The following XK variants were observed in gnomAD, a reference collection of about 807,000 sequenced individuals.
XK encodes X-linked Kx blood group antigen, Kell and VPS13A binding protein, also known as endoplasmic reticulum membrane adapter protein XK.
In XK, 2 loss-of-function variants were observed where a neutral mutation model predicts 14.0. The observed-to-expected ratio is 0.14, with a 90% CI of 0.06 to 0.45. The LOEUF (loss-of-function observed/expected upper bound fraction) is 0.45. Ranked by LOEUF, XK falls within the 20% of genes least tolerant of loss-of-function variation. The pLI is 0.98. For missense variants in XK, 235 were observed against 341.5 expected, an observed-to-expected ratio of 0.69 and a Z score of 2.46; for synonymous variants, 149 against 147.5, an observed-to-expected ratio of 1.01 and a Z score of -0.08.
chrX:37,710,828 G>A (rs1297326112), intron 2 of XK, among the ~76,000 whole-genome samples: 1 of 111,856 alleles, frequency 8.9e-6, no homozygotes, highest in Admixed American at 9.4e-5. Context: ...ATATCCTGGA[G>A]TTGAAAAATA....
chrX:37,730,692 A>G lies in XK; in HGVS notation c.*2230A>G, dbSNP rs1928069661. ...AGTAGCCACCAGCCTCCCACTGACT[A>G]GGCATGTTAGGAATTAGACAAGGAT... On this transcript the variant is annotated 3_prime_UTR_variant, in exon 3 of 3. Coordinates refer to ENST00000378616, the MANE Select transcript of XK (RefSeq NM_021083.4). 8.9e-6 allele frequency: 1 copy of G among 112,566 alleles called. No homozygotes were observed. Among genetic ancestry groups the G allele is most frequent in the African/African-American group, 3.2e-5 (1 of 30,997 alleles). The allele number at this position is 112,566 out of a possible 1,213,427, so 9.3% of individuals were successfully genotyped here.
chrX:37,720,173 T>G (rs1442126053), intron 2 of XK, among the ~76,000 whole-genome samples: 1 of 111,342 alleles, frequency 9.0e-6, no homozygotes, highest in Non-Finnish European at 1.9e-5. Flanking sequence ...GTATTCATAT[T>G]ATTTGTTTCT....
chrX:37,697,971 G>A (rs782231430), intron 2 of XK, among the ~76,000 whole-genome samples: 9 of 112,043 alleles, frequency 8.0e-5, no homozygotes, highest in Non-Finnish European at 1.5e-4. Flanking sequence ...CTGTGTCTGT[G>A]AGCTTCAGTC....
At chrX:37,704,704 G>A (rs1041468251) in intron 2 of XK, among the ~76,000 whole-genome samples, 5 of 111,347 alleles carry the variant, frequency 4.5e-5, no homozygotes, top group African/African-American at 1.6e-4. Context: ...GCTTGGTGGT[G>A]CATGCCTGTA....
At chrX:37,688,857 A>G (rs182639277) in intron 1 of XK, among the ~76,000 whole-genome samples, 34 of 111,912 alleles carry the variant, frequency 3.0e-4, no homozygotes, top group African/African-American at 1.1e-3. Context: ...AAGAATAATA[A>G]TTTCTGAATA....
chrX:37,723,626 G>T, intron 2 of XK, among the ~76,000 whole-genome samples: 1 of 111,171 alleles, frequency 9.0e-6, no homozygotes, highest in Non-Finnish European at 1.9e-5. Flanking sequence ...AAAATGGATA[G>T]ATACTAGAAA....
At position 37,728,673 on chromosome X, in the gene XK, A is replaced by C; in HGVS notation, c.*211A>C. 1 of 441,106 alleles carries C rather than the reference A, an allele frequency of 2.3e-6. No individual in the cohort carries two copies. Among genetic ancestry groups the C allele is most frequent in the Admixed American group, 3.7e-5 (1 of 26,898 alleles). The allele number at this position is 441,106 out of a possible 1,213,427, so 36.4% of individuals were successfully genotyped here. A position where few individuals can be genotyped will look rare whatever the true frequency, so the allele number is the denominator to read the frequency against. On this transcript the variant is annotated 3_prime_UTR_variant, in exon 3 of 3. Transcript: ENST00000378616. ...GAGTGTTGAAGGGGCAACCCAAGGCATCACAGTTCACAGGTAACCATGTTG... is the reference window on the plus strand; with the variant it reads ...GAGTGTTGAAGGGGCAACCCAAGGCCTCACAGTTCACAGGTAACCATGTTG...
At chrX:37,706,096 C>T (rs1210273933) in intron 2 of XK, among the ~76,000 whole-genome samples, 5 of 111,229 alleles carry the variant, frequency 4.5e-5, no homozygotes, top group African/African-American at 1.6e-4. Flanking sequence ...TCTAGGTACT[C>T]TGTTGGAAAT....
At chrX:37,700,272 A>G (rs1351740453) in intron 2 of XK, among the ~76,000 whole-genome samples, 9 of 111,617 alleles carry the variant, frequency 8.1e-5, no homozygotes, top group African/African-American at 2.9e-4. Context: ...GGATGTACCC[A>G]CCATCAGGTT....
intron 2 of XK, among the ~76,000 whole-genome samples, chrX:37,706,524 G>A (rs1408027074): frequency 9.0e-6 from 1 of 110,952 alleles, no homozygotes; most frequent in Non-Finnish European, 1.9e-5. Flanking sequence ...TATCTGCAAA[G>A]GGAACTTTGC....
intron 2 of XK, 102 bp from the exon 3 acceptor site, chrX:37,727,534 A>T (rs1370482400): frequency 1.4e-6 from 1 of 696,291 alleles, no homozygotes; most frequent in African/African-American, 2.1e-5. Context: ...CACATAAAAC[A>T]GAAGAGTCCA....
At chrX:37,687,221 A>ACACG (rs1450132303) in intron 1 of XK, among the ~76,000 whole-genome samples, 3 of 107,191 alleles carry the variant, frequency 2.8e-5, no homozygotes, top group Non-Finnish European at 5.8e-5. Flanking sequence ...ACACACACAC[A>ACACG]CACACGCACA....
At chrX:37,713,111 G>A (rs945864224) in intron 2 of XK, among the ~76,000 whole-genome samples, 1 of 111,728 alleles carries the variant, frequency 9.0e-6, no homozygotes, top group African/African-American at 3.3e-5. Context: ...AATAGCAGTC[G>A]TTTCTCTTCC....
At chrX:37,716,133 G>A (rs1234512495) in intron 2 of XK, among the ~76,000 whole-genome samples, 4 of 112,191 alleles carry the variant, frequency 3.6e-5, no homozygotes, top group African/African-American at 1.3e-4. Context: ...CCAATATCCA[G>A]TATAGACCTT....
intron 2 of XK, among the ~76,000 whole-genome samples, chrX:37,721,428 A>C (rs1316386585): frequency 9.0e-6 from 1 of 111,591 alleles, no homozygotes; most frequent in Non-Finnish European, 1.9e-5. Context: ...AATATATACA[A>C]ATGGCCAATA....
intron 2 of XK, among the ~76,000 whole-genome samples, chrX:37,709,587 A>G (rs1388883404): frequency 4.5e-5 from 5 of 112,206 alleles, no homozygotes; most frequent in Non-Finnish European, 9.4e-5. Context: ...CCAAAGAGTT[A>G]CATAAATTAT....
At chrX:37,705,496 GT>G (rs1303115294) in intron 2 of XK, among the ~76,000 whole-genome samples, 2 of 109,355 alleles carry the variant, frequency 1.8e-5, no homozygotes, top group Non-Finnish European at 3.8e-5. Context: ...TGACTAGATA[GT>G]TTTAGAAATC....
At chrX:37,686,335 C>T (rs1328260966) in intron 1 of XK, 129 bp downstream of exon 1, 2 of 1,101,852 alleles carry the variant, frequency 1.8e-6, no homozygotes, top group Middle Eastern at 2.8e-4. Context: ...AGCCGGTCCG[C>T]CATGCCCCTC....
Position 37,685,901 on chromosome X carries a change from C to G in XK, c.-61C>G. 6 of 1,154,815 alleles carry G rather than the reference C, an allele frequency of 5.2e-6. No homozygotes were observed. The highest frequency in any genetic ancestry group is 6.9e-6 in the Non-Finnish European group (6 of 864,459). ...GCCCCTCGGGCAACGGCCGCCGCCG[C>G]CACAGCCACACAGCCGCCGCCACTG... On this transcript the variant is annotated 5_prime_UTR_variant, in exon 1 of 3. Coordinates refer to ENST00000378616, the MANE Select transcript of XK (RefSeq NM_021083.4).
Sources: allele counts gnomAD v4.1 joint callset (sites outside exome capture counted in the v4.1 genomes callset), GRCh38; gene constraint gnomAD v4.1.1; transcripts MANE v1.5; gene names NCBI Gene and HGNC (gene_info 2026-07-23, HGNC 2026-07-21).